The following RPSA2 variants were observed in gnomAD, a reference collection of about 807,000 sequenced individuals.
The protein encoded by RPSA2 is ribosomal protein SA 2.
chr19:23,790,899 G>T, the RPSA2 span: 1 of 474,470 alleles, frequency 2.1e-6, no homozygotes, highest in Non-Finnish European at 3.8e-6. Context: ...AGTTCTCCTT[G>T]CCCAGGTTGG....
At chr19:23,797,016 T>C in the RPSA2 span, among the ~76,000 whole-genome samples, 2 of 147,116 alleles carry the variant, frequency 1.4e-5, no homozygotes, top group Non-Finnish European at 3.0e-5. Context: ...TTTCAAACTT[T>C]TTTAGCATTA....
At chr19:23,802,750 G>T in the RPSA2 span, among the ~76,000 whole-genome samples, 1 of 152,118 alleles carries the variant, frequency 6.6e-6, no homozygotes. Flanking sequence ...AGCAGTCATG[G>T]TCCCTACCAT....
chr19:23,817,472 C>A, the RPSA2 span: 1 of 152,108 alleles, frequency 6.6e-6, no homozygotes, highest in African/African-American at 2.4e-5. Context: ...TACAGAGGAG[C>A]TTTAAGGGTT....
At chr19:23,867,829 CAAAA>C in the RPSA2 span, among the ~76,000 whole-genome samples, 79 of 121,362 alleles carry the variant, frequency 6.5e-4, 1 homozygote, top group South Asian at 0.019. Context: ...GACTCCGTCT[CAAAA>C]AAAAAAAAAA....
the RPSA2 span, among the ~76,000 whole-genome samples, chr19:23,800,080 G>A: frequency 6.8e-6 from 1 of 146,564 alleles, no homozygotes; most frequent in African/African-American, 2.5e-5. Context: ...CCAGGCTGGA[G>A]TGCAGTGGTG....
the RPSA2 span, among the ~76,000 whole-genome samples, chr19:23,761,932 T>TC: frequency 1.9e-5 from 1 of 53,054 alleles, no homozygotes. Context: ...TTTTTTTTTT[T>TC]TTTGAGATGG....
chr19:23,772,684 A>T, the RPSA2 span, among the ~76,000 whole-genome samples: 77,316 of 152,020 alleles, frequency 0.51, 20,194 homozygotes, highest in South Asian at 0.62. Context: ...GCCAACCATT[A>T]GGATTATCAC....
chr19:23,815,767 C>G, the RPSA2 span, among the ~76,000 whole-genome samples: 1 of 151,930 alleles, frequency 6.6e-6, no homozygotes, highest in Non-Finnish European at 1.5e-5. Flanking sequence ...CAATTATATT[C>G]TATGTATTTC....
At chr19:23,767,162 G>A in the RPSA2 span, among the ~76,000 whole-genome samples, 2 of 151,804 alleles carry the variant, frequency 1.3e-5, no homozygotes, top group Non-Finnish European at 2.9e-5. Context: ...GGCTGTTCTC[G>A]AACTCCTGAC....
At chr19:23,829,086 G>A in the RPSA2 span, among the ~76,000 whole-genome samples, 3 of 152,148 alleles carry the variant, frequency 2.0e-5, no homozygotes, top group African/African-American at 4.8e-5. Flanking sequence ...GACTTAAGAT[G>A]TAGCTTGTGT....
At chr19:23,815,410 C>T in the RPSA2 span, among the ~76,000 whole-genome samples, 2 of 64,786 alleles carry the variant, frequency 3.1e-5, no homozygotes, top group Non-Finnish European at 6.9e-5. Context: ...AAAATGTTTA[C>T]ACTCCATTAA....
chr19:23,760,140 G>T, the RPSA2 span, among the ~76,000 whole-genome samples: 1 of 152,246 alleles, frequency 6.6e-6, no homozygotes, highest in African/African-American at 2.4e-5. Flanking sequence ...TTAACAAAGT[G>T]TGGAGCTGGG....
chr19:23,772,205 A>C, the RPSA2 span, among the ~76,000 whole-genome samples: 20 of 152,346 alleles, frequency 1.3e-4, no homozygotes, highest in Non-Finnish European at 2.4e-4. Flanking sequence ...ACCAGACACA[A>C]GGTGATTTGG....
the RPSA2 span, chr19:23,818,226 A>G: frequency 0.98 from 148,753 of 152,288 alleles, 72,740 homozygotes; most frequent in Middle Eastern, 1. Flanking sequence ...CTCTGTGGCC[A>G]TTTAGATGTT....
At chr19:23,864,911 A>G in the RPSA2 span, among the ~76,000 whole-genome samples, 1 of 152,168 alleles carries the variant, frequency 6.6e-6, no homozygotes, top group Admixed American at 6.5e-5. Context: ...TCCTTTACAC[A>G]ATAAATGTGA....
At chr19:23,858,157 T>G in the RPSA2 span, among the ~76,000 whole-genome samples, 5 of 150,726 alleles carry the variant, frequency 3.3e-5, no homozygotes, top group African/African-American at 1.2e-4. Context: ...TGTTTTCTCT[T>G]AGGTTGATTT....
chr19:23,824,671 T>C, the RPSA2 span, among the ~76,000 whole-genome samples: 2 of 142,212 alleles, frequency 1.4e-5, no homozygotes, highest in African/African-American at 2.6e-5. Flanking sequence ...AAAACTAAGA[T>C]TACAGGCATG....
the RPSA2 span, among the ~76,000 whole-genome samples, chr19:23,856,312 A>G: frequency 6.6e-6 from 1 of 152,244 alleles, no homozygotes; most frequent in South Asian, 2.1e-4. Context: ...CCATAGTTCC[A>G]CATCTAACGT....
the RPSA2 span, among the ~76,000 whole-genome samples, chr19:23,829,788 T>G: frequency 2.6e-5 from 4 of 152,234 alleles, no homozygotes; most frequent in Admixed American, 2.6e-4. Context: ...GTTCATTAAC[T>G]GATGTTTATA....
Sources: allele counts gnomAD v4.1 joint callset (sites outside exome capture counted in the v4.1 genomes callset), GRCh38; gene constraint gnomAD v4.1.1; transcripts MANE v1.5; gene names NCBI Gene and HGNC (gene_info 2026-07-23, HGNC 2026-07-21).